CA1: variants seen among roughly 807,000 people sequenced by gnomAD.
CA1 encodes the protein carbonate dehydratase I.
Under a neutral mutation model 28.8 loss-of-function variants are expected in CA1, and 27 were observed. The observed-to-expected ratio is 0.94, with a 90% confidence interval of 0.69 to 1.29. The LOEUF is 1.29. CA1 is among the 50% of genes most tolerant of loss of function. CA1 has a pLI of 0.00. For synonymous variants in CA1, 121 were observed against 108.8 expected (o/e 1.11, Z -0.70); for missense variants, 335 against 310.5 (o/e 1.08, Z -0.59).
chr8:85,336,818 C>G, intron 4 of CA1, 127 bp downstream of exon 4: 1 of 743,538 alleles, frequency 1.3e-6, no homozygotes, highest in Non-Finnish European at 2.5e-6. Flanking sequence ...TTAATGGAAA[C>G]TGGGAGTTCC....
chr8:85,333,392 C>T, intron 5 of CA1, 133 bp downstream of exon 5: 1 of 642,614 alleles, frequency 1.6e-6, no homozygotes, highest in Non-Finnish European at 2.9e-6. Context: ...ACTATTTGTT[C>T]ACCTGTAGTC....
intron 1 of CA1, among the ~76,000 whole-genome samples, chr8:85,357,008 T>G: frequency 6.6e-6 from 1 of 152,172 alleles, no homozygotes; most frequent in East Asian, 1.9e-4. Context: ...ACAACACAAA[T>G]ATTATATATG....
intron 1 of CA1, among the ~76,000 whole-genome samples, chr8:85,377,809 A>G (rs148896425): frequency 2.6e-5 from 4 of 152,214 alleles, no homozygotes; most frequent in Non-Finnish European, 4.4e-5. Flanking sequence ...TCTCAAAAAA[A>G]AAAAAGGTAA....
intron 1 of CA1, among the ~76,000 whole-genome samples, chr8:85,360,876 T>C (rs1027636382): frequency 6.6e-6 from 1 of 152,134 alleles, no homozygotes; most frequent in African/African-American, 2.4e-5. Context: ...AGCTTCTTCC[T>C]CCTAAACATA....
chr8:85,337,556 A>G (rs967257439), intron 3 of CA1, among the ~76,000 whole-genome samples: 8 of 152,164 alleles, frequency 5.3e-5, no homozygotes, highest in South Asian at 4.1e-4. Flanking sequence ...AGGGACCAAG[A>G]GAGAGTACCA....
chr8:85,329,639 A>T, intron 7 of CA1, 50 bp downstream of exon 7: 1 of 1,473,120 alleles, frequency 6.8e-7, no homozygotes, highest in Non-Finnish European at 9.4e-7. Flanking sequence ...TATCAATTAA[A>T]GTAATATTCC....
intron 3 of CA1, 22 bp from the exon 4 acceptor site, chr8:85,337,085 T>G: frequency 7.7e-7 from 1 of 1,302,770 alleles, no homozygotes. Flanking sequence ...GGGAACCGAT[T>G]GTTAGCCTGA....
At chr8:85,360,384 C>T (rs1380642236) in intron 1 of CA1, among the ~76,000 whole-genome samples, 2 of 152,178 alleles carry the variant, frequency 1.3e-5, no homozygotes, top group African/African-American at 4.8e-5. Flanking sequence ...AACAGTAAAG[C>T]CTTTTTAGAA....
chr8:85,358,650 C>A (rs1809689485), intron 1 of CA1, among the ~76,000 whole-genome samples: 5 of 152,116 alleles, frequency 3.3e-5, no homozygotes, highest in Admixed American at 3.3e-4. Flanking sequence ...GTATCCATAC[C>A]CTTTTGTAGT....
chr8:85,359,202 T>G (rs1027532195), intron 1 of CA1, among the ~76,000 whole-genome samples: 7 of 152,226 alleles, frequency 4.6e-5, no homozygotes, highest in African/African-American at 1.7e-4. Flanking sequence ...CAAAGCCATA[T>G]TCTCTTAATG....
chr8:85,362,109 T>A (rs2130349496), intron 1 of CA1, among the ~76,000 whole-genome samples: 1 of 152,230 alleles, frequency 6.6e-6, no homozygotes, highest in Middle Eastern at 3.4e-3. Flanking sequence ...CTGGGAAGAA[T>A]TTGTTTTGTT....
chr8:85,354,166 G>A (rs1332624151), intron 1 of CA1, among the ~76,000 whole-genome samples: 11 of 150,664 alleles, frequency 7.3e-5, no homozygotes, highest in South Asian at 6.3e-4. Flanking sequence ...GTAGGAATGC[G>A]GTTTCACCAT....
At chr8:85,343,286 G>T (rs1809002278) in intron 1 of CA1, 1 of 152,072 alleles carries the variant, frequency 6.6e-6, no homozygotes. Flanking sequence ...CAGAGGTGAA[G>T]ACACCTCCTC....
At chr8:85,335,857 A>C (rs1046037959) in intron 4 of CA1, among the ~76,000 whole-genome samples, 2 of 152,332 alleles carry the variant, frequency 1.3e-5, no homozygotes, top group Middle Eastern at 3.4e-3. Context: ...GCTTTACAAC[A>C]CAAGGTAAAG....
chr8:85,361,311 G>T (rs1360144265), intron 1 of CA1, among the ~76,000 whole-genome samples: 1 of 152,140 alleles, frequency 6.6e-6, no homozygotes, highest in African/African-American at 2.4e-5. Flanking sequence ...AAGACCACCA[G>T]ATACCCAAGA....
intron 1 of CA1, among the ~76,000 whole-genome samples, chr8:85,373,197 T>G (rs1273201031): frequency 6.6e-6 from 1 of 152,214 alleles, no homozygotes. Flanking sequence ...GATGGGTGTT[T>G]CGTTAAGACG....
rs1585921264 is a variant in CA1 at position 85,337,149 on chromosome 8, G to A, written c.236-86C>T. The A allele has an allele frequency of 1.4e-5, 11 of 812,258 alleles. No homozygotes were observed. In the South Asian group the frequency reaches 1.5e-4, roughly 11 times the overall value. The allele number at this position is 812,258 out of a possible 1,614,324, so 50.3% of individuals were successfully genotyped here. On this transcript the variant is annotated intron_variant, in intron 3 of 7. Coordinates refer to ENST00000523022, the MANE Select transcript of CA1 (RefSeq NM_001128831.4). The stretch of plus-strand genomic sequence containing the variant: ...ATTTAATATAAACCAACACTAAATT[G>A]TATTGAGTAGAAGTGAAAACAAACA...
intron 2 of CA1, among the ~76,000 whole-genome samples, chr8:85,340,237 A>G (rs1203747352): frequency 6.6e-6 from 1 of 152,176 alleles, no homozygotes; most frequent in Non-Finnish European, 1.5e-5. Context: ...TTTAAGTTGA[A>G]GCCAACACTC....
intron 1 of CA1, among the ~76,000 whole-genome samples, chr8:85,374,143 C>T (rs1324501536): frequency 6.6e-6 from 1 of 151,890 alleles, no homozygotes; most frequent in Non-Finnish European, 1.5e-5. Context: ...AAGTGAATAT[C>T]TATTTAGAAC....
Sources: allele counts gnomAD v4.1 joint callset (sites outside exome capture counted in the v4.1 genomes callset), GRCh38; gene constraint gnomAD v4.1.1; transcripts MANE v1.5; gene names NCBI Gene and HGNC (gene_info 2026-07-23, HGNC 2026-07-21).